Variants in SHOC1 observed in about 807,000 individuals in gnomAD.
The protein encoded by SHOC1 is shortage in chiasmata 1, also known as protein shortage in chiasmata 1 ortholog.
A neutral mutation model predicts 179.2 loss-of-function variants in SHOC1; 136 were observed. The observed-to-expected ratio is 0.76, with a 90% confidence interval of 0.66 to 0.87. The LOEUF (loss-of-function observed/expected upper bound fraction) is 0.87, where lower values mean the gene tolerates loss of function less well. Ranked by LOEUF, SHOC1 falls within the 40% of genes least tolerant of loss-of-function variation. The probability of loss-of-function intolerance (pLI) is 0.00; values close to 1 mark genes in which losing one functional copy is unlikely to be tolerated. For missense variants in SHOC1, 1,538 were observed against 1,700.8 expected, an observed-to-expected ratio of 0.90 and a Z score of 1.68; for synonymous variants, 489 against 586.6, an observed-to-expected ratio of 0.83 and a Z score of 2.41.
intron 11 of SHOC1, among the ~76,000 whole-genome samples, chr9:111,740,448 C>T (rs1833982654): frequency 6.6e-6 from 1 of 152,098 alleles, no homozygotes; most frequent in Non-Finnish European, 1.5e-5. Flanking sequence ...ATCCAAAGTT[C>T]CATTTCCGTG....
At chr9:111,700,766 C>A (rs1398765148) in intron 23 of SHOC1, among the ~76,000 whole-genome samples, 1 of 151,226 alleles carries the variant, frequency 6.6e-6, no homozygotes, top group African/African-American at 2.5e-5. Context: ...TGTTGACAAA[C>A]AATGTAGTTT....
At chr9:111,732,550 A>G (rs1339890641) in intron 12 of SHOC1, among the ~76,000 whole-genome samples, 1 of 152,250 alleles carries the variant, frequency 6.6e-6, no homozygotes, top group African/African-American at 2.4e-5. Flanking sequence ...GTATATCCAT[A>G]CAATGAAAAA....
intron 10 of SHOC1, among the ~76,000 whole-genome samples, chr9:111,742,595 C>G (rs146864489): frequency 2.1e-3 from 319 of 152,188 alleles, no homozygotes; most frequent in African/African-American, 7.1e-3. Flanking sequence ...ATTCATAAAC[C>G]CCTTAATCTG....
chr9:111,775,003 A>T (rs12379508), intron 5 of SHOC1, among the ~76,000 whole-genome samples: 121,035 of 150,348 alleles, frequency 0.81, 48,852 homozygotes, highest in East Asian at 0.92. Context: ...TTAAAAAAAA[A>T]TTTTTTTTTT....
chr9:111,745,781 A>C (rs1343780488), intron 10 of SHOC1, among the ~76,000 whole-genome samples: 2 of 152,206 alleles, frequency 1.3e-5, no homozygotes, highest in African/African-American at 4.8e-5. Flanking sequence ...ACACCACTAC[A>C]TTGCCTTTCA....
At chr9:111,741,135 AT>A (rs545267215) in intron 11 of SHOC1, among the ~76,000 whole-genome samples, 1,594 of 151,720 alleles carry the variant, frequency 0.011, 29 homozygotes, top group African/African-American at 0.037. Flanking sequence ...ATTAGATGAG[AT>A]TTTTTTTTAT....
intron 15 of SHOC1, among the ~76,000 whole-genome samples, chr9:111,721,234 AC>A (rs1403776011): frequency 6.6e-6 from 1 of 152,222 alleles, no homozygotes; most frequent in African/African-American, 2.4e-5. Flanking sequence ...GGGAACAGCC[AC>A]TATTCCTGCC....
intron 9 of SHOC1, among the ~76,000 whole-genome samples, chr9:111,747,403 T>C (rs1834338837): frequency 6.6e-6 from 1 of 152,128 alleles, no homozygotes; most frequent in African/African-American, 2.4e-5. Flanking sequence ...CTTTGGGAGA[T>C]TAAAAATTCA....
At chr9:111,723,720 T>C in intron 14 of SHOC1, 72 bp downstream of exon 14, 3 of 1,378,198 alleles carry the variant, frequency 2.2e-6, no homozygotes, top group Non-Finnish European at 3.0e-6. Flanking sequence ...AAATGAGGTA[T>C]GTCCTAGCTA....
At position 111,727,692 on chromosome 9, in the gene SHOC1, C is replaced by A; in HGVS notation, c.1775G>T (p.Arg592Leu). ...TGAGGTGCAAGTCTTATATTTATTTCGCAGCATAATAAAGTCGCTCAAAAG... is the reference window on the plus strand; with the variant it reads ...TGAGGTGCAAGTCTTATATTTATTTAGCAGCATAATAAAGTCGCTCAAAAG... The part of the protein sequence containing the change: ...LDLLSDFIML[R>L]NKYKTCTSKT... Residue 592 changes from arginine to leucine, a missense_variant, in exon 13 of 28, where the codon CGA (arginine) becomes CTA (leucine). By Grantham distance (102) the Arg-to-Leu change is moderately radical (BLOSUM62 -2). Coordinates refer to ENST00000682961, the MANE Select transcript of SHOC1 (RefSeq NM_001378211.1). 6.2e-7 allele frequency: 1 copy of A among 1,606,962 alleles called. No individual in the cohort carries two copies. Among genetic ancestry groups the A allele is most frequent in the South Asian group, 1.1e-5 (1 of 89,078 alleles).
chr9:111,750,782 A>C (rs914714060), intron 8 of SHOC1, among the ~76,000 whole-genome samples: 4 of 152,182 alleles, frequency 2.6e-5, no homozygotes, highest in African/African-American at 7.2e-5. Flanking sequence ...ATTTTCTCCC[A>C]TTTTGTAGGC....
At chr9:111,753,857 CAG>C (rs750064080) in intron 8 of SHOC1, among the ~76,000 whole-genome samples, 1 of 152,074 alleles carries the variant, frequency 6.6e-6, no homozygotes, top group South Asian at 2.1e-4. Flanking sequence ...CTTATAGAAA[CAG>C]AGAATAGAAG....
At chr9:111,729,974 T>A (rs1008852183) in intron 12 of SHOC1, among the ~76,000 whole-genome samples, 3 of 152,178 alleles carry the variant, frequency 2.0e-5, no homozygotes, top group African/African-American at 7.2e-5. Flanking sequence ...AAATCCTTTG[T>A]TGTCATTACA....
At chr9:111,700,117 G>A (rs899350925) in intron 23 of SHOC1, 70 bp from the exon 24 acceptor site, 2 of 854,590 alleles carry the variant, frequency 2.3e-6, no homozygotes, top group African/African-American at 3.5e-5. Context: ...AATTCATTTT[G>A]TTTTCCACAT....
At chr9:111,705,167 A>G in intron 21 of SHOC1, 80 bp downstream of exon 21, 1 of 422,226 alleles carries the variant, frequency 2.4e-6, no homozygotes, top group Non-Finnish European at 4.0e-6. Flanking sequence ...ATCAGAATAT[A>G]TATACACACA....
chr9:111,753,480 A>G (rs1007417788), intron 8 of SHOC1, among the ~76,000 whole-genome samples: 10 of 152,356 alleles, frequency 6.6e-5, no homozygotes, highest in African/African-American at 2.4e-4. Context: ...GTAATATACC[A>G]TATCAAAAGG....
chr9:111,713,589 TA>T (rs1832649126), intron 17 of SHOC1, among the ~76,000 whole-genome samples: 2 of 152,196 alleles, frequency 1.3e-5, no homozygotes, highest in Admixed American at 1.3e-4. Context: ...ATTTCTCACT[TA>T]GATTAAATTA....
chr9:111,761,698 T>G (rs988060754), intron 5 of SHOC1, among the ~76,000 whole-genome samples: 1 of 152,124 alleles, frequency 6.6e-6, no homozygotes, highest in Non-Finnish European at 1.5e-5. Flanking sequence ...ATAAAATATA[T>G]GTCAAAATAT....
intron 8 of SHOC1, 86 bp from the exon 9 acceptor site, chr9:111,748,285 G>T (rs755816142): frequency 3.3e-6 from 3 of 911,090 alleles, no homozygotes; most frequent in East Asian, 5.0e-5. Flanking sequence ...TCCTTTTAAA[G>T]TATCTTTATT....
Sources: gnomAD v4.1 joint callset for allele counts (sites outside exome capture counted in the v4.1 genomes callset) on GRCh38, gnomAD v4.1.1 for gene constraint, MANE v1.5 for transcripts, NCBI Gene and HGNC (gene_info 2026-07-23, HGNC 2026-07-21) for gene names.